The following GSE1 variants were observed in gnomAD, a reference collection of about 807,000 sequenced individuals.
GSE1 encodes the protein genetic suppressor element 1.
In GSE1, 32 loss-of-function variants were observed where a neutral mutation model predicts 112.6. That is an observed-to-expected ratio of 0.28 (90% CI 0.21 to 0.38). GSE1 has a LOEUF of 0.38. Among genes scored for constraint, GSE1 ranks in the 10% least tolerant of loss-of-function variants. GSE1 has a pLI of 1.00. For synonymous variants in GSE1, 1,115 were observed against 735.6 expected (o/e 1.52, Z -8.35); for missense variants, 2,348 against 1,699.2 (o/e 1.38, Z -6.71).
At chr16:85,347,711 A>T (rs578097904) in intron 1 of GSE1, among the ~76,000 whole-genome samples, 1 of 152,294 alleles carries the variant, frequency 6.6e-6, no homozygotes, top group Admixed American at 6.5e-5. Context: ...TAAATGGGTC[A>T]GCCCCTGCAG....
At chr16:85,459,621 G>C (rs1469598856) in intron 2 of GSE1, among the ~76,000 whole-genome samples, 2 of 152,206 alleles carry the variant, frequency 1.3e-5, no homozygotes, top group Non-Finnish European at 2.9e-5. Flanking sequence ...TTAGTGTGGA[G>C]TGGCTAAGAT....
chr16:85,289,541 C>G (rs990599576), intron 1 of GSE1, among the ~76,000 whole-genome samples: 1 of 152,216 alleles, frequency 6.6e-6, no homozygotes, highest in Non-Finnish European at 1.5e-5. Flanking sequence ...AGGCCTAGGA[C>G]TCTGCATTCT....
In GSE1 at chr16:85,641,433, G is replaced by A. The variant is rs995209840; in HGVS notation, c.227-7119G>A. Among the ~76,000 whole-genome samples the A allele has an allele frequency of 2.5e-4, 32 of 126,404 alleles. 1 individual carries two copies. The highest frequency in any genetic ancestry group is 1.8e-3 in the Admixed American group (24 of 13,268). 82.9% of individuals were successfully genotyped at this position (126,404 alleles called of 152,430 possible). Reference sequence around the variant, plus strand: ...CCGCCACTGGCTGACGCCCCCCCCCGCCCTTTTGCAGCTGTGAGGTGGAGC... The same window carrying A: ...CCGCCACTGGCTGACGCCCCCCCCCACCCTTTTGCAGCTGTGAGGTGGAGC... On this transcript the variant is annotated intron_variant, in intron 2 of 15. Coordinates refer to ENST00000253458, the MANE Select transcript of GSE1 (RefSeq NM_014615.5).
In GSE1 at chr16:85,644,562, G is replaced by A. The variant is rs537134405; in HGVS notation, c.227-3990G>A. The stretch of plus-strand genomic sequence containing the variant: ...CGGCTCCCAGTGAGAGGAGCCAGGC[G>A]AGAAGGGCCACGCGGTGGGATTCCC... On this transcript the variant is annotated intron_variant, in intron 2 of 15. Transcript: ENST00000253458. 3.3e-5 allele frequency among the ~76,000 whole-genome samples: 5 copies of A among 152,284 alleles called. No individual in the cohort carries two copies. The South Asian group carries it at 6.2e-4, about 19-fold the overall frequency.
chr16:85,317,274 T>C (rs2046005231), intron 1 of GSE1, among the ~76,000 whole-genome samples: 1 of 152,154 alleles, frequency 6.6e-6, no homozygotes, highest in Non-Finnish European at 1.5e-5. Context: ...ACCTCCTGGC[T>C]GTTGACAGCA....
At chr16:85,313,059 C>T (rs996827885) in intron 1 of GSE1, among the ~76,000 whole-genome samples, 1 of 152,178 alleles carries the variant, frequency 6.6e-6, no homozygotes, top group East Asian at 1.9e-4. Context: ...CGCCAAGGCC[C>T]CAGCTCTGAC....
chr16:85,245,509 G>T (rs1427721185), intron 1 of GSE1, among the ~76,000 whole-genome samples: 1 of 152,172 alleles, frequency 6.6e-6, no homozygotes, highest in Admixed American at 6.5e-5. Flanking sequence ...CCTTGGAGAA[G>T]GAGCTTCTTC....
chr16:85,631,885 C>G (rs1336051859), intron 1 of GSE1, among the ~76,000 whole-genome samples: 1 of 152,282 alleles, frequency 6.6e-6, no homozygotes, highest in African/African-American at 2.4e-5. Flanking sequence ...ACCCGCTGCG[C>G]CTCTGTGCAC....
At chr16:85,563,570 G>T (rs1208831667) in intron 1 of GSE1, among the ~76,000 whole-genome samples, 1 of 152,174 alleles carries the variant, frequency 6.6e-6, no homozygotes. Flanking sequence ...TCTCCAGAGG[G>T]TGATCCCACC....
At chr16:85,436,692 C>T (rs1006052282) in intron 2 of GSE1, among the ~76,000 whole-genome samples, 2 of 152,238 alleles carry the variant, frequency 1.3e-5, no homozygotes, top group Admixed American at 6.5e-5. Flanking sequence ...AGGCCCAAAC[C>T]CCGAAGGGCC....
intron 1 of GSE1, among the ~76,000 whole-genome samples, chr16:85,565,112 C>T (rs1442615413): frequency 6.6e-6 from 1 of 152,136 alleles, no homozygotes; most frequent in Non-Finnish European, 1.5e-5. Context: ...ACCAACTTGG[C>T]CGGGCACGGT....
intron 3 of GSE1, among the ~76,000 whole-genome samples, chr16:85,652,682 C>CT (rs2051472852): frequency 1.3e-5 from 2 of 152,180 alleles, no homozygotes; most frequent in Non-Finnish European, 2.9e-5. Context: ...GGGTCACCGT[C>CT]TGCCGCTATG....
At chr16:85,458,738 G>T (rs576567286) in intron 2 of GSE1, among the ~76,000 whole-genome samples, 1,875 of 140,392 alleles carry the variant, frequency 0.013, 39 homozygotes, top group African/African-American at 0.059. Context: ...GGCAGAGCAA[G>T]GCTGTGTCCT....
intron 2 of GSE1, among the ~76,000 whole-genome samples, chr16:85,517,206 A>T (rs1320299226): frequency 6.6e-6 from 1 of 151,798 alleles, no homozygotes; most frequent in Non-Finnish European, 1.5e-5. Flanking sequence ...TCGACAGCAC[A>T]CAGGGACCAT....
chr16:85,456,854 C>T (rs974057259), intron 2 of GSE1, among the ~76,000 whole-genome samples: 6 of 152,044 alleles, frequency 3.9e-5, no homozygotes, highest in African/African-American at 4.8e-5. Flanking sequence ...TTGCCAGGGA[C>T]GGTGGGACTC....
chr16:85,569,294 T>C (rs2045884611), intron 1 of GSE1, among the ~76,000 whole-genome samples: 2 of 152,282 alleles, frequency 1.3e-5, no homozygotes, highest in African/African-American at 4.8e-5. Flanking sequence ...TGCTCTGTGC[T>C]CTTGGGTAGA....
At chr16:85,198,684 G>A (rs1032235838) in intron 1 of GSE1, among the ~76,000 whole-genome samples, 4 of 152,040 alleles carry the variant, frequency 2.6e-5, no homozygotes, top group Non-Finnish European at 5.9e-5. Context: ...ATTTGATTCC[G>A]CCCTACACTG....
rs538765382 is a variant in GSE1 at position 85,669,884 on chromosome 16, G to A, written c.3416-1111G>A. Among the ~76,000 whole-genome samples the A allele has an allele frequency of 3.1e-4, 47 of 152,240 alleles. No homozygotes were observed. The South Asian group carries it at 7.7e-3, about 25-fold the overall frequency. ...TCCCACACCTGCTGGGCCTGGCTTC[G>A]CCCCTGTCAGGCATGACCTGCGCTG... On this transcript the variant is annotated intron_variant, in intron 14 of 15. Coordinates refer to ENST00000253458, the MANE Select transcript of GSE1 (RefSeq NM_014615.5).
intron 1 of GSE1, among the ~76,000 whole-genome samples, chr16:85,604,758 A>AT (rs2047613193): frequency 1.7e-4 from 1 of 5,968 alleles, no homozygotes; most frequent in African/African-American, 8.3e-4. Context: ...AAAAAAAAAA[A>AT]AAAAAAAAAA....
Sources: allele counts gnomAD v4.1 joint callset (sites outside exome capture counted in the v4.1 genomes callset), GRCh38; gene constraint gnomAD v4.1.1; transcripts MANE v1.5; gene names NCBI Gene and HGNC (gene_info 2026-07-23, HGNC 2026-07-21).